The following PCDH11X variants were observed in gnomAD, a reference collection of about 807,000 sequenced individuals.
PCDH11X encodes protocadherin-11 X-linked.
Under a neutral mutation model 53.3 loss-of-function variants are expected in PCDH11X, and 18 were observed. The ratio of observed to expected loss-of-function variants is 0.34; its 90% CI spans 0.23 to 0.50. The LOEUF (loss-of-function observed/expected upper bound fraction) is 0.50. Ranked by LOEUF, PCDH11X falls within the 20% of genes least tolerant of loss-of-function variation. The pLI is 0.98. For synonymous variants in PCDH11X, 279 were observed against 393.3 expected, an observed-to-expected ratio of 0.71 and a Z score of 3.44; for missense variants, 570 against 1,032.4, an observed-to-expected ratio of 0.55 and a Z score of 6.14.
At chrX:91,946,030 A>G (rs1481988779) in intron 6 of PCDH11X, among the ~76,000 whole-genome samples, 1 of 109,246 alleles carries the variant, frequency 9.2e-6, no homozygotes, top group East Asian at 2.9e-4. Flanking sequence ...GATAAGGAAG[A>G]TTTTATACAT....
At chrX:92,097,103 CTAAGA>C (rs2064152659) in intron 6 of PCDH11X, among the ~76,000 whole-genome samples, 2 of 111,005 alleles carry the variant, frequency 1.8e-5, no homozygotes, top group South Asian at 7.6e-4. Flanking sequence ...ATTTTCTCCT[CTAAGA>C]TTAGAAAGCA....
intron 6 of PCDH11X, among the ~76,000 whole-genome samples, chrX:92,093,698 G>T (rs959446613): frequency 4.5e-5 from 5 of 110,943 alleles, no homozygotes; most frequent in Non-Finnish European, 9.4e-5. Flanking sequence ...TTATCTGTAT[G>T]AAAAGCAGTA....
At chrX:92,392,658 C>T (rs1271127342) in intron 9 of PCDH11X, among the ~76,000 whole-genome samples, 2 of 110,602 alleles carry the variant, frequency 1.8e-5, no homozygotes, top group African/African-American at 6.5e-5. Context: ...AGGTAGACTA[C>T]TGGTAAAATT....
intron 6 of PCDH11X, among the ~76,000 whole-genome samples, chrX:91,940,201 G>A (rs974270822): frequency 2.7e-5 from 3 of 110,764 alleles, no homozygotes; most frequent in Admixed American, 1.9e-4. Flanking sequence ...CTTCCGCCAT[G>A]ATTGTAAGCC....
At chrX:92,416,901 T>C (rs2071826006) in intron 9 of PCDH11X, among the ~76,000 whole-genome samples, 1 of 111,987 alleles carries the variant, frequency 8.9e-6, no homozygotes, top group African/African-American at 3.2e-5. Context: ...TATTGTGTTT[T>C]CAGGATCCAA....
At chrX:91,855,378 C>T (rs1281820547) in intron 5 of PCDH11X, among the ~76,000 whole-genome samples, 1 of 111,073 alleles carries the variant, frequency 9.0e-6, no homozygotes, top group Non-Finnish European at 1.9e-5. Context: ...TAAGCCAATA[C>T]CATGCTATTT....
chrX:92,214,320 G>A (rs1439591276), intron 7 of PCDH11X, among the ~76,000 whole-genome samples: 1 of 111,597 alleles, frequency 9.0e-6, no homozygotes, highest in Admixed American at 9.5e-5. Context: ...TGATCTGGAG[G>A]GAAACATTCT....
intron 6 of PCDH11X, among the ~76,000 whole-genome samples, chrX:91,898,696 C>T (rs1204362958): frequency 5.2e-5 from 5 of 95,643 alleles, no homozygotes; most frequent in Non-Finnish European, 8.2e-5. Flanking sequence ...ACTTTCAGTT[C>T]AGGATTCTTA....
At chrX:91,841,120 C>A (rs1189496480) in intron 5 of PCDH11X, among the ~76,000 whole-genome samples, 1 of 110,493 alleles carries the variant, frequency 9.1e-6, no homozygotes, top group Admixed American at 9.7e-5. Context: ...TACACTTCCA[C>A]TGGGGAAAAA....
At chrX:92,045,097 A>G (rs2063266407) in intron 6 of PCDH11X, among the ~76,000 whole-genome samples, 1 of 100,478 alleles carries the variant, frequency 1.0e-5, no homozygotes. Flanking sequence ...CTAAAATGAC[A>G]ACATAGACTT....
chrX:92,538,986 A>AT lies in PCDH11X; in HGVS notation c.3367+70665dup, dbSNP rs767389807. Among the ~76,000 whole-genome samples the AT allele has an allele frequency of 9.3e-3, 853 of 91,619 alleles. 13 individuals carry two copies. The highest frequency in any genetic ancestry group is 0.033 in the African/African-American group (829 of 25,232). The allele number at this position is 91,619 out of a possible 115,157, so 79.6% of individuals were successfully genotyped here. ...GTGTTTATGGAATCCCTCAGCTTTTATATGTTATTTGTTTCTTTCCTTTTG... is the reference window on the plus strand; with the variant it reads ...GTGTTTATGGAATCCCTCAGCTTTTATTATGTTATTTGTTTCTTTCCTTTTG... On this transcript the variant is annotated intron_variant, in intron 10 of 10. Coordinates refer to ENST00000682573, the MANE Select transcript of PCDH11X (RefSeq NM_032968.5).
At chrX:92,553,233 T>A (rs2074992441) in intron 10 of PCDH11X, among the ~76,000 whole-genome samples, 1 of 99,930 alleles carries the variant, frequency 1.0e-5, no homozygotes, top group Admixed American at 1.1e-4. Flanking sequence ...TTTTTTTTTT[T>A]ATTAAGACTT....
rs139638871 is a variant in PCDH11X at position 92,007,849 on chromosome X, C to T, written c.3033+128576C>T. On this transcript the variant is annotated intron_variant, in intron 6 of 10. Coordinates refer to ENST00000682573, the MANE Select transcript of PCDH11X (RefSeq NM_032968.5). Reference sequence around the variant, plus strand: ...GGTTATGCAGGGCCGAAGGGCTCTTCAGTTAGCAGACGATAAAAGCTGGCA... The same window carrying T: ...GGTTATGCAGGGCCGAAGGGCTCTTTAGTTAGCAGACGATAAAAGCTGGCA... Among the ~76,000 whole-genome samples, 520 of 111,388 alleles carry T rather than the reference C, an allele frequency of 4.7e-3. 5 individuals carry two copies. Among genetic ancestry groups the T allele is most frequent in the African/African-American group, 0.016 (493 of 30,678 alleles).
intron 7 of PCDH11X, among the ~76,000 whole-genome samples, chrX:92,261,430 C>T (rs924007186): frequency 9.0e-6 from 1 of 111,180 alleles, no homozygotes; most frequent in African/African-American, 3.3e-5. Context: ...AAATGCTCAC[C>T]CCAACTTCTT....
At chrX:92,252,605 C>A (rs2067482671) in intron 7 of PCDH11X, among the ~76,000 whole-genome samples, 1 of 111,232 alleles carries the variant, frequency 9.0e-6, no homozygotes, top group African/African-American at 3.3e-5. Flanking sequence ...AAATCTTGAC[C>A]TTTATTGGAC....
At chrX:91,824,870 T>C (rs930992065) in intron 4 of PCDH11X, among the ~76,000 whole-genome samples, 9 of 107,785 alleles carry the variant, frequency 8.3e-5, no homozygotes, top group Non-Finnish European at 1.7e-4. Context: ...ATGTCCTTTC[T>C]GTTTGTTAGT....
chrX:92,461,237 C>A (rs2073037676), intron 9 of PCDH11X, among the ~76,000 whole-genome samples: 1 of 108,789 alleles, frequency 9.2e-6, no homozygotes, highest in African/African-American at 3.4e-5. Flanking sequence ...CACAAAAGAC[C>A]CAGAATAACC....
intron 7 of PCDH11X, among the ~76,000 whole-genome samples, chrX:92,233,007 G>C (rs922806533): frequency 9.0e-6 from 1 of 111,656 alleles, no homozygotes; most frequent in Non-Finnish European, 1.9e-5. Context: ...GAGCCACCGC[G>C]CCCGGCCTGC....
intron 6 of PCDH11X, among the ~76,000 whole-genome samples, chrX:92,034,639 G>T (rs1308849351): frequency 4.6e-5 from 5 of 109,625 alleles, no homozygotes; most frequent in African/African-American, 1.0e-4. Flanking sequence ...TACATTTATA[G>T]ATGAACTATG....
Sources: gnomAD v4.1 joint callset for allele counts (sites outside exome capture counted in the v4.1 genomes callset) on GRCh38, gnomAD v4.1.1 for gene constraint, MANE v1.5 for transcripts, NCBI Gene and HGNC (gene_info 2026-07-23, HGNC 2026-07-21) for gene names.